FBXL2: variants seen among roughly 807,000 people sequenced by gnomAD.
The protein encoded by FBXL2 is F-box and leucine rich repeat protein 2.
A neutral mutation model predicts 69.2 loss-of-function variants in FBXL2; 38 were observed. That is an observed-to-expected ratio of 0.55 (90% CI 0.42 to 0.72). The LOEUF (loss-of-function observed/expected upper bound fraction) is 0.72, where lower values mean the gene tolerates loss of function less well. Among genes scored for constraint, FBXL2 ranks in the 30% least tolerant of loss-of-function variants. The pLI, the probability that FBXL2 is intolerant of heterozygous loss-of-function variation, is 0.00. For missense variants in FBXL2, 354 were observed against 520.3 expected (o/e 0.68, Z 3.11); for synonymous variants, 192 against 201.3 (o/e 0.95, Z 0.39).
intron 1 of FBXL2, among the ~76,000 whole-genome samples, chr3:33,292,464 A>G (rs936884003): frequency 1.3e-5 from 2 of 152,170 alleles, no homozygotes; most frequent in Non-Finnish European, 2.9e-5. Flanking sequence ...CCAAAGAGAG[A>G]AAGAGGCAAA....
At chr3:33,281,795 G>C (rs2125669088) in intron 1 of FBXL2, among the ~76,000 whole-genome samples, 1 of 152,230 alleles carries the variant, frequency 6.6e-6, no homozygotes, top group East Asian at 1.9e-4. Context: ...CTGATGGCCA[G>C]TGATGATGAG....
chr3:33,312,141 C>T (rs940943697), intron 2 of FBXL2, among the ~76,000 whole-genome samples: 2 of 152,138 alleles, frequency 1.3e-5, no homozygotes, highest in African/African-American at 4.8e-5. Context: ...ACTACAGCCT[C>T]GACTTCCTGA....
chr3:33,361,041 C>T (rs1303361858), intron 4 of FBXL2, among the ~76,000 whole-genome samples: 1 of 145,840 alleles, frequency 6.9e-6, no homozygotes, highest in Non-Finnish European at 1.5e-5. Context: ...ATGCGATTCT[C>T]CTGCCTCAGC....
chr3:33,342,893 G>GTTTTTTTTTTTTTTTT (rs60623868), intron 2 of FBXL2, among the ~76,000 whole-genome samples: 1 of 99,270 alleles, frequency 1.0e-5, no homozygotes, highest in Admixed American at 1.2e-4. Flanking sequence ...ACGCCCAGCT[G>GTTTTTTTTTTTTTTTT]TTTTTTTTTT....
intron 2 of FBXL2, among the ~76,000 whole-genome samples, chr3:33,358,504 T>C (rs138391901): frequency 5.8e-4 from 89 of 152,338 alleles, no homozygotes; most frequent in Non-Finnish European, 9.7e-4. Context: ...TGATCACTTA[T>C]AGACTTTGCC....
At chr3:33,422,366 T>A in the FBXL2 span, among the ~76,000 whole-genome samples, 8 of 151,802 alleles carry the variant, frequency 5.3e-5, no homozygotes, top group Admixed American at 1.3e-4. Flanking sequence ...CATAGCAAGA[T>A]CCTGTCTCTA....
intron 12 of FBXL2, 78 bp downstream of exon 12, chr3:33,378,225 C>G (rs1449042713): frequency 7.2e-7 from 1 of 1,396,210 alleles, no homozygotes; most frequent in African/African-American, 1.4e-5. Context: ...GCCAGAGACA[C>G]TGACTCGCTA....
the FBXL2 span, among the ~76,000 whole-genome samples, chr3:33,414,440 C>A: frequency 1.5e-4 from 23 of 151,814 alleles, no homozygotes; most frequent in Non-Finnish European, 3.4e-4. Context: ...AAAAATAGGA[C>A]AAAAAAAGAC....
intron 2 of FBXL2, among the ~76,000 whole-genome samples, chr3:33,318,740 TTTTAA>T (rs371242718): frequency 0.4 from 59,547 of 150,618 alleles, 12,854 homozygotes; most frequent in East Asian, 0.6. Context: ...AACTGATGTT[TTTTAA>T]ACATCTATTA....
chr3:33,321,575 A>G (rs891913770), intron 2 of FBXL2, among the ~76,000 whole-genome samples: 2 of 152,214 alleles, frequency 1.3e-5, no homozygotes, highest in East Asian at 3.9e-4. Flanking sequence ...TCACTTAACA[A>G]TGGAGATACG....
At chr3:33,399,450 C>T (rs1450557867) in intron 12 of FBXL2, among the ~76,000 whole-genome samples, 1 of 152,080 alleles carries the variant, frequency 6.6e-6, no homozygotes. Flanking sequence ...TAATTGAGTA[C>T]ACTCAGACTA....
At position 33,387,787 on chromosome 3, in the gene FBXL2, G is replaced by C. The variant is rs777393938; in HGVS notation, c.*2179G>C. 4 of 152,070 alleles carry C rather than the reference G, an allele frequency of 2.6e-5. No individual in the cohort carries two copies. Among genetic ancestry groups the C allele is most frequent in the Non-Finnish European group, 5.9e-5 (4 of 68,136 alleles). The allele number at this position is 152,070 out of a possible 1,614,324, so 9.4% of individuals were successfully genotyped here. On this transcript the variant is annotated 3_prime_UTR_variant, in exon 15 of 15. Coordinates refer to ENST00000484457, the MANE Select transcript of FBXL2 (RefSeq NM_012157.5). ...CTCTTGTAAGAAAATCAGGTTTGCA[G>C]GCTGGGCACGGTGGCTCACGCCTGT...
chr3:33,412,055 C>T, the FBXL2 span, among the ~76,000 whole-genome samples: 80 of 152,048 alleles, frequency 5.3e-4, 1 homozygote, highest in Non-Finnish European at 5.9e-5. Flanking sequence ...GACGCAGTGG[C>T]GCGTGCCTGT....
chr3:33,351,124 G>A (rs764637101), intron 2 of FBXL2, among the ~76,000 whole-genome samples: 6 of 152,108 alleles, frequency 3.9e-5, no homozygotes, highest in East Asian at 1.9e-4. Flanking sequence ...AAAATTAGCC[G>A]GGCATGGTGG....
At chr3:33,354,359 C>G (rs1575313590) in intron 2 of FBXL2, among the ~76,000 whole-genome samples, 1 of 151,604 alleles carries the variant, frequency 6.6e-6, no homozygotes, top group East Asian at 1.9e-4. Context: ...ACTAAAAATA[C>G]AAAAATTGGC....
At chr3:33,396,784 C>T (rs1308309208) in intron 12 of FBXL2, 5 of 631,886 alleles carry the variant, frequency 7.9e-6, no homozygotes, top group Admixed American at 4.2e-5. Flanking sequence ...CAAACCCAGT[C>T]GTCTTCAAGA....
rs72852070 is a variant in FBXL2 at position 33,401,330 on chromosome 3, T to C, written n.1215-1904T>C. Among the ~76,000 whole-genome samples, 437 of 152,300 alleles carry C rather than the reference T, an allele frequency of 2.9e-3. 1 individual carries two copies. The highest frequency in any genetic ancestry group is 0.01 in the African/African-American group (416 of 41,548). On this transcript the variant is annotated intron_variant and non_coding_transcript_variant, in intron 12 of 12. Coordinates refer to the FBXL2 transcript ENST00000463736. ...TGCCAAGGAAAATGAAGGATACACA[T>C]TAATTTTTAAAAGTTAGGGGAAAAA... is the stretch of plus-strand genomic sequence containing the variant.
intron 2 of FBXL2, among the ~76,000 whole-genome samples, chr3:33,306,223 C>T (rs1355238711): frequency 6.6e-6 from 1 of 151,738 alleles, no homozygotes; most frequent in Non-Finnish European, 1.5e-5. Context: ...TATCACGTAC[C>T]GCTTTTGCTT....
intron 12 of FBXL2, chr3:33,398,580 A>G (rs1202527445): frequency 6.6e-6 from 1 of 152,298 alleles, no homozygotes; most frequent in African/African-American, 2.4e-5. Context: ...TCACCATGCT[A>G]CTGTCAGTGC....
Sources: gnomAD v4.1 joint callset for allele counts (sites outside exome capture counted in the v4.1 genomes callset) on GRCh38, gnomAD v4.1.1 for gene constraint, MANE v1.5 for transcripts, NCBI Gene and HGNC (gene_info 2026-07-23, HGNC 2026-07-21) for gene names.